The following CAP1 variants were observed in gnomAD, a reference collection of about 807,000 sequenced individuals.
The protein encoded by CAP1 is cyclase associated actin cytoskeleton regulatory protein 1, also known as adenylyl cyclase-associated protein 1.
CAP1 carries 11 observed loss-of-function variants against 58.2 expected under a neutral mutation model. The ratio of observed to expected loss-of-function variants is 0.19; its 90% CI spans 0.12 to 0.31. CAP1 has a LOEUF of 0.31. Among genes scored for constraint, CAP1 ranks in the 10% least tolerant of loss-of-function variants. The pLI is 1.00. For missense variants in CAP1, 423 were observed against 587.5 expected (o/e 0.72, Z 2.89); for synonymous variants, 183 against 213.8 (o/e 0.86, Z 1.26).
At position 40,070,560 on chromosome 1, in the gene CAP1, CAA is replaced by C. The variant is rs368306875; in HGVS notation, c.1200+50_1200+51del. 897 of 1,412,998 alleles carry C rather than the reference CAA, an allele frequency of 6.3e-4. 4 individuals are homozygous for C. In the African/African-American group the frequency reaches 0.012, roughly 18 times the overall value. The allele number at this position is 1,412,998 out of a possible 1,614,324, so 87.5% of individuals were successfully genotyped here. On this transcript the variant is annotated intron_variant, in intron 11 of 12. Coordinates refer to ENST00000372805, the MANE Select transcript of CAP1 (RefSeq NM_006367.4). ...TCTTTTTGTCCCTGAGGAATTAATT[CAA>C]AGAGACATGGTAGACCCACAGATGT...
Position 40,064,275 on chromosome 1 carries a change from G to A in CAP1, c.343G>A (p.Val115Met), listed in dbSNP as rs201825796. 6.2e-7 allele frequency: 1 copy of A among 1,614,190 alleles called. No individual in the cohort carries two copies. The highest frequency in any genetic ancestry group is 1.1e-5 in the South Asian group (1 of 91,076). ...ACCCATCTCAGAGCAGATCAAAGAA[G>A]TGATAACCTTTCGGGAGAAGAACCG... Reference protein sequence around the residue: ...LAPISEQIKEVITFREKNRGS... With the variant: ...LAPISEQIKEMITFREKNRGS... Residue 115 changes from valine (V) to methionine (M), a missense_variant, in exon 5 of 13, where the codon GTG (valine) becomes ATG (methionine). Coordinates refer to ENST00000372805, the MANE Select transcript of CAP1 (RefSeq NM_006367.4).
intron 1 of CAP1, among the ~76,000 whole-genome samples, chr1:40,049,511 T>C (rs1357242000): frequency 6.6e-6 from 1 of 152,070 alleles, no homozygotes; most frequent in Non-Finnish European, 1.5e-5. Flanking sequence ...GCGCCAGGCC[T>C]GGTTTTTTGG....
At chr1:40,050,693 T>C (rs918115658) in intron 1 of CAP1, among the ~76,000 whole-genome samples, 19 of 151,984 alleles carry the variant, frequency 1.3e-4, no homozygotes, top group African/African-American at 4.6e-4. Context: ...AATACAAATA[T>C]CTTTTGTAGT....
chr1:40,062,688 C>T (rs1403544772), intron 4 of CAP1, among the ~76,000 whole-genome samples: 1 of 151,836 alleles, frequency 6.6e-6, no homozygotes, highest in African/African-American at 2.4e-5. Flanking sequence ...AGATTTGGGC[C>T]TGAAAGTTTG....
At chr1:40,060,861 T>C (rs560361811) in intron 3 of CAP1, among the ~76,000 whole-genome samples, 98 of 152,328 alleles carry the variant, frequency 6.4e-4, no homozygotes, top group African/African-American at 2.3e-3. Context: ...CTGTTGCCAA[T>C]GGTTTTAGCT....
chr1:40,060,256 C>T (rs1646791693), intron 3 of CAP1, 86 bp downstream of exon 3: 2 of 929,722 alleles, frequency 2.2e-6, no homozygotes, highest in Non-Finnish European at 3.3e-6. Context: ...GGTTTAAGAG[C>T]TCCTTGAGAA....
intron 4 of CAP1, 74 bp from the exon 5 acceptor site, chr1:40,064,153 C>G (rs1041575882): frequency 1.4e-5 from 20 of 1,465,796 alleles, no homozygotes; most frequent in Middle Eastern, 1.8e-4. Context: ...AGAATTCTTG[C>G]CTTCAGGATC....
chr1:40,061,221 G>T (rs1051150608), intron 3 of CAP1, among the ~76,000 whole-genome samples: 4 of 148,098 alleles, frequency 2.7e-5, no homozygotes, highest in African/African-American at 1.0e-4. Flanking sequence ...TCATACTTTT[G>T]TTCCATTAAG....
chr1:40,049,551 A>G (rs1311539829), intron 1 of CAP1, among the ~76,000 whole-genome samples: 4 of 152,078 alleles, frequency 2.6e-5, no homozygotes, highest in African/African-American at 9.7e-5. Context: ...TTGCTGGAGA[A>G]TCAAGCTCAT....
intron 12 of CAP1, 112 bp from the exon 13 acceptor site, chr1:40,071,331 CTACATTG>C: frequency 1.4e-6 from 1 of 692,044 alleles, no homozygotes; most frequent in Middle Eastern, 2.4e-4. Context: ...TTGTCTCTTG[CTACATTG>C]TACCGTGCTC....
At position 40,070,976 on chromosome 1, in the gene CAP1, C is replaced by A; in HGVS notation, c.1341C>A (p.Asp447Glu). 3.7e-6 allele frequency: 6 copies of A among 1,609,230 alleles called. No individual in the cohort carries two copies. The highest frequency in any genetic ancestry group is 5.1e-6 in the Non-Finnish European group (6 of 1,178,226). Residue 447 changes from aspartate to glutamate, a missense_variant, in exon 12 of 13, where the codon GAC becomes GAA. Asp to Glu is a conservative substitution (Grantham distance 45). Coordinates refer to ENST00000372805, the MANE Select transcript of CAP1 (RefSeq NM_006367.4). ...TCCTCATTCCTACAGAAGGCGGTGA[C>A]TTTGTAAGTTTCTTGATCTCTTTAG... ...MNVLIPTEGG[D>E]FNEFPVPEQF...
At position 40,066,334 on chromosome 1, in the gene CAP1, TCCTCCCTC is replaced by T. The variant is rs748687235; in HGVS notation, c.630+29_630+36del. 3 of 1,392,054 alleles carry T rather than the reference TCCTCCCTC, an allele frequency of 2.2e-6. No individual in the cohort carries two copies. The highest frequency in any genetic ancestry group is 1.2e-5 in the South Asian group (1 of 85,910). The allele number at this position is 1,392,054 out of a possible 1,614,324, so 86.2% of individuals were successfully genotyped here. ...TGGAGCAAAACGGTTAGTGAATCCTTCCTCCCTCCCTCCCTCCCTCCCACTTTCTCTCT... is the reference window on the plus strand; with the variant it reads ...TGGAGCAAAACGGTTAGTGAATCCTTCCTCCCTCCCTCCCACTTTCTCTCT... On this transcript the variant is annotated intron_variant, in intron 7 of 12. Coordinates refer to ENST00000372805, the MANE Select transcript of CAP1 (RefSeq NM_006367.4).
At chr1:40,050,612 T>A (rs1393709511) in intron 1 of CAP1, among the ~76,000 whole-genome samples, 1 of 151,824 alleles carries the variant, frequency 6.6e-6, no homozygotes, top group Non-Finnish European at 1.5e-5. Context: ...TGAGCTGAGA[T>A]CATGCCATCA....
chr1:40,061,877 C>T, intron 4 of CAP1, 65 bp downstream of exon 4: 1 of 1,186,848 alleles, frequency 8.4e-7, no homozygotes. Flanking sequence ...AGATTTATGT[C>T]AAGCTATTAT....
chr1:40,047,766 T>C (rs2124191523), intron 1 of CAP1, among the ~76,000 whole-genome samples: 1 of 152,340 alleles, frequency 6.6e-6, no homozygotes, highest in Middle Eastern at 3.4e-3. Context: ...GTTACCTGTT[T>C]GCTCCAGACA....
At chr1:40,065,077 C>A (rs543422960) in intron 6 of CAP1, among the ~76,000 whole-genome samples, 1 of 152,276 alleles carries the variant, frequency 6.6e-6, no homozygotes, top group South Asian at 2.1e-4. Flanking sequence ...TTGGTAGAGG[C>A]CCTTTTAGTC....
intron 12 of CAP1, 82 bp from the exon 13 acceptor site, chr1:40,071,368 A>T: frequency 1.0e-6 from 1 of 967,152 alleles, no homozygotes; most frequent in Non-Finnish European, 1.6e-6. Context: ...AGTGGAAGCA[A>T]GCATTGGGAG....
intron 8 of CAP1, among the ~76,000 whole-genome samples, chr1:40,068,764 C>G (rs1049213207): frequency 6.6e-6 from 1 of 152,122 alleles, no homozygotes. Flanking sequence ...TGTCAGCCTG[C>G]TGTGGGAGAT....
At chr1:40,057,944 G>A (rs1045489098) in intron 1 of CAP1, among the ~76,000 whole-genome samples, 1 of 152,094 alleles carries the variant, frequency 6.6e-6, no homozygotes, top group Non-Finnish European at 1.5e-5. Context: ...TGTGACTTAT[G>A]GGCAACTTTT....
Sources: gnomAD v4.1 joint callset for allele counts (sites outside exome capture counted in the v4.1 genomes callset) on GRCh38, gnomAD v4.1.1 for gene constraint, MANE v1.5 for transcripts, NCBI Gene and HGNC (gene_info 2026-07-23, HGNC 2026-07-21) for gene names.